The following KCNH8 variants were observed in gnomAD, a reference collection of about 807,000 sequenced individuals.
KCNH8 encodes the protein voltage-gated delayed rectifier potassium channel KCNH8.
KCNH8 carries 70 observed loss-of-function variants against 103.6 expected under a neutral mutation model. That is an observed-to-expected ratio of 0.68 (90% confidence interval 0.56 to 0.82). KCNH8 has a LOEUF of 0.82. Among genes scored for constraint, KCNH8 ranks in the 40% least tolerant of loss-of-function variants. KCNH8 has a pLI of 0.00. For missense variants in KCNH8, 1,217 were observed against 1,329.9 expected (o/e 0.92, Z 1.32); for synonymous variants, 498 against 489.4 (o/e 1.02, Z -0.23).
In KCNH8 at chr3:19,534,700, G is replaced by A. The variant is rs1303402060; in HGVS notation, c.*601G>A. ...CACAGAGGCTATTTTTATATCCTTG[G>A]TATGAAATATGTATTTAAACTATTT... On this transcript the variant is annotated 3_prime_UTR_variant, in exon 16 of 16. Transcript: ENST00000328405. 1.3e-5 allele frequency: 2 copies of A among 152,382 alleles called. No homozygotes were observed. Among genetic ancestry groups the A allele is most frequent in the African/African-American group, 4.8e-5 (2 of 41,354 alleles). 9.4% of individuals were successfully genotyped at this position (152,382 alleles called of 1,614,324 possible).
At chr3:19,284,344 T>TG (rs903175595) in intron 3 of KCNH8, among the ~76,000 whole-genome samples, 8 of 152,142 alleles carry the variant, frequency 5.3e-5, no homozygotes, top group African/African-American at 1.9e-4. Flanking sequence ...TTCTATGTTT[T>TG]GGGGGAGTTT....
At chr3:19,373,830 A>G (rs2066144969) in intron 5 of KCNH8, among the ~76,000 whole-genome samples, 2 of 152,074 alleles carry the variant, frequency 1.3e-5, no homozygotes, top group African/African-American at 4.8e-5. Flanking sequence ...GTTGGTTTCA[A>G]AGAACTTCTT....
At chr3:19,481,345 T>G (rs2068083089) in intron 11 of KCNH8, among the ~76,000 whole-genome samples, 1 of 152,098 alleles carries the variant, frequency 6.6e-6, no homozygotes, top group Non-Finnish European at 1.5e-5. Context: ...TTCTCTCTTT[T>G]GTCTAATTTA....
intron 11 of KCNH8, among the ~76,000 whole-genome samples, chr3:19,503,479 G>A (rs1048770795): frequency 9.2e-5 from 14 of 152,210 alleles, no homozygotes; most frequent in African/African-American, 2.4e-4. Context: ...ACATGCACAC[G>A]TATGTTTATT....
intron 3 of KCNH8, among the ~76,000 whole-genome samples, chr3:19,326,822 A>G (rs563256758): frequency 1.3e-5 from 2 of 152,296 alleles, no homozygotes; most frequent in East Asian, 1.9e-4. Context: ...TAGTTTTTAT[A>G]TTTTATGATT....
At chr3:19,229,141 C>T (rs373558384) in intron 1 of KCNH8, among the ~76,000 whole-genome samples, 1 of 152,186 alleles carries the variant, frequency 6.6e-6, no homozygotes, top group Non-Finnish European at 1.5e-5. Flanking sequence ...GACTTTATTA[C>T]TTCTGTCTGT....
intron 7 of KCNH8, among the ~76,000 whole-genome samples, chr3:19,414,619 A>G (rs2066834997): frequency 6.6e-6 from 1 of 152,096 alleles, no homozygotes. Flanking sequence ...CCCAATGAGT[A>G]GTAAAATTAT....
At chr3:19,207,209 G>A (rs888560986) in intron 1 of KCNH8, among the ~76,000 whole-genome samples, 7 of 151,936 alleles carry the variant, frequency 4.6e-5, no homozygotes, top group African/African-American at 1.7e-4. Context: ...GAAGCATCAG[G>A]GGTAAAAAAA....
intron 5 of KCNH8, among the ~76,000 whole-genome samples, chr3:19,386,657 A>G (rs1439005053): frequency 2.0e-5 from 3 of 152,144 alleles, no homozygotes; most frequent in Admixed American, 2.0e-4. Flanking sequence ...TATTAACAAG[A>G]AAATTACATA....
chr3:19,441,067 T>C (rs76331412), intron 8 of KCNH8, among the ~76,000 whole-genome samples: 242 of 152,290 alleles, frequency 1.6e-3, no homozygotes, highest in Non-Finnish European at 2.8e-3. Context: ...CCTGCTCTGG[T>C]GTGCATGCTG....
chr3:19,194,017 G>A (rs944010225), intron 1 of KCNH8, among the ~76,000 whole-genome samples: 19 of 151,624 alleles, frequency 1.3e-4, no homozygotes, highest in Non-Finnish European at 7.4e-5. Flanking sequence ...ATTTGGAAAG[G>A]AAAAGACAGT....
At chr3:19,297,347 A>G (rs1268495623) in intron 3 of KCNH8, among the ~76,000 whole-genome samples, 1 of 152,218 alleles carries the variant, frequency 6.6e-6, no homozygotes, top group Non-Finnish European at 1.5e-5. Flanking sequence ...TGGTACTACA[A>G]CTATATTTCA....
At chr3:19,427,244 G>C (rs1053853444) in intron 7 of KCNH8, among the ~76,000 whole-genome samples, 63 of 152,244 alleles carry the variant, frequency 4.1e-4, no homozygotes, top group African/African-American at 1.4e-3. Context: ...ACTAGATACT[G>C]TAGTTTGGTT....
chr3:19,355,480 A>G (rs1479392428), intron 5 of KCNH8, among the ~76,000 whole-genome samples: 1 of 152,206 alleles, frequency 6.6e-6, no homozygotes, highest in Admixed American at 6.5e-5. Context: ...CTTGGAACCA[A>G]CCCAAATGTC....
At chr3:19,355,449 C>T (rs1470735906) in intron 5 of KCNH8, among the ~76,000 whole-genome samples, 1 of 152,096 alleles carries the variant, frequency 6.6e-6, no homozygotes, top group African/African-American at 2.4e-5. Flanking sequence ...TTTATTGCAG[C>T]ACTATTCACA....
intron 1 of KCNH8, among the ~76,000 whole-genome samples, chr3:19,202,290 G>T (rs1295124772): frequency 6.6e-6 from 1 of 152,090 alleles, no homozygotes; most frequent in Non-Finnish European, 1.5e-5. Context: ...TTATTAAGAT[G>T]AGCTGGGTTG....
At chr3:19,265,504 A>G (rs2064498057) in intron 2 of KCNH8, among the ~76,000 whole-genome samples, 1 of 152,014 alleles carries the variant, frequency 6.6e-6, no homozygotes, top group Non-Finnish European at 1.5e-5. Flanking sequence ...TCTTCCCACC[A>G]GAAGAACCTG....
intron 11 of KCNH8, among the ~76,000 whole-genome samples, chr3:19,488,481 GACTA>G (rs1264049132): frequency 7.2e-5 from 11 of 152,120 alleles, no homozygotes; most frequent in African/African-American, 1.7e-4. Context: ...TCTGTGCTTT[GACTA>G]ACTAAGGCCA....
At chr3:19,343,678 G>A (rs766346132) in intron 4 of KCNH8, among the ~76,000 whole-genome samples, 2 of 151,990 alleles carry the variant, frequency 1.3e-5, no homozygotes, top group African/African-American at 2.4e-5. Context: ...GGACAGAGAG[G>A]GGATCCTTTG....
Sources: allele counts gnomAD v4.1 joint callset (sites outside exome capture counted in the v4.1 genomes callset), GRCh38; gene constraint gnomAD v4.1.1; transcripts MANE v1.5; gene names NCBI Gene and HGNC (gene_info 2026-07-23, HGNC 2026-07-21).